The following MLF1 variants were observed in gnomAD, a reference collection of about 807,000 sequenced individuals.
The protein encoded by MLF1 is myelodysplasia-myeloid leukemia factor 1.
MLF1 carries 37 observed loss-of-function variants against 38.3 expected under a neutral mutation model. The ratio of observed to expected loss-of-function variants is 0.96; its 90% CI spans 0.74 to 1.27. The LOEUF (loss-of-function observed/expected upper bound fraction) is 1.27, where lower values mean the gene tolerates loss of function less well. Among genes scored for constraint, MLF1 ranks in the 50% most tolerant of loss-of-function variants. The pLI, the probability that MLF1 is intolerant of heterozygous loss-of-function variation, is 0.00. For missense variants in MLF1, 331 were observed against 349.2 expected (o/e 0.95, Z 0.42); for synonymous variants, 95 against 106.5 (o/e 0.89, Z 0.66).
At chr3:158,576,096 T>TA (rs1378472383) in intron 1 of MLF1, among the ~76,000 whole-genome samples, 2 of 152,212 alleles carry the variant, frequency 1.3e-5, no homozygotes, top group African/African-American at 4.8e-5. Context: ...TTTACCTTAT[T>TA]ATAACAGTGC....
chr3:158,592,374 G>T, intron 1 of MLF1, 60 bp from the exon 2 acceptor site: 1 of 1,427,970 alleles, frequency 7.0e-7, no homozygotes, highest in Non-Finnish European at 9.4e-7. Context: ...ATATTTACCT[G>T]CCTACTTACT....
At chr3:158,583,591 C>G (rs1211605850) in intron 1 of MLF1, among the ~76,000 whole-genome samples, 3 of 152,110 alleles carry the variant, frequency 2.0e-5, no homozygotes, top group Admixed American at 2.0e-4. Context: ...AGTGCAAGGT[C>G]TGAGAGACAG....
chr3:158,597,828 T>A (rs1371990222), intron 4 of MLF1, among the ~76,000 whole-genome samples: 1 of 152,112 alleles, frequency 6.6e-6, no homozygotes, highest in Non-Finnish European at 1.5e-5. Context: ...CTTATTAGTC[T>A]TTGTAACGAG....
At chr3:158,579,376 T>C (rs1448539094) in intron 1 of MLF1, among the ~76,000 whole-genome samples, 3 of 152,156 alleles carry the variant, frequency 2.0e-5, no homozygotes, top group Non-Finnish European at 2.9e-5. Context: ...TGGGTAGACA[T>C]GAATTAAACT....
At chr3:158,581,890 A>G (rs1716423184) in intron 1 of MLF1, among the ~76,000 whole-genome samples, 1 of 152,176 alleles carries the variant, frequency 6.6e-6, no homozygotes, top group African/African-American at 2.4e-5. Context: ...AAACATTGTA[A>G]CAGAAGGCCA....
intron 1 of MLF1, among the ~76,000 whole-genome samples, chr3:158,580,619 C>A (rs1168979706): frequency 1.3e-5 from 2 of 151,832 alleles, no homozygotes; most frequent in African/African-American, 4.8e-5. Flanking sequence ...CTTAAATTTC[C>A]TTTGCCCCTC....
chr3:158,595,801 T>C (rs1718796097), intron 3 of MLF1, among the ~76,000 whole-genome samples: 1 of 152,132 alleles, frequency 6.6e-6, no homozygotes, highest in Non-Finnish European at 1.5e-5. Context: ...AAATAGAACT[T>C]AGGAGGATTC....
intron 3 of MLF1, 128 bp from the exon 4 acceptor site, chr3:158,596,730 TTGTC>T (rs1718932263): frequency 3.7e-6 from 2 of 545,538 alleles, no homozygotes; most frequent in Admixed American, 3.3e-5. Context: ...TAAGTTATCT[TTGTC>T]TGGTTGATTA....
intron 1 of MLF1, chr3:158,590,836 CTG>C (rs761869127): frequency 4.5e-6 from 2 of 449,092 alleles, no homozygotes; most frequent in African/African-American, 2.0e-5. Context: ...ATTCATCAAA[CTG>C]TACAACAAAA....
At chr3:158,584,434 C>T (rs2108585425) in intron 1 of MLF1, among the ~76,000 whole-genome samples, 1 of 152,022 alleles carries the variant, frequency 6.6e-6, no homozygotes, top group South Asian at 2.1e-4. Context: ...AAATCCAGAC[C>T]CTATACAACA....
intron 1 of MLF1, among the ~76,000 whole-genome samples, chr3:158,584,683 G>C: frequency 6.6e-6 from 1 of 151,716 alleles, no homozygotes; most frequent in Non-Finnish European, 1.5e-5. Flanking sequence ...GTGTGTGTGT[G>C]TGTGTGTGTG....
At chr3:158,586,300 G>A (rs1717256820) in intron 1 of MLF1, among the ~76,000 whole-genome samples, 1 of 151,886 alleles carries the variant, frequency 6.6e-6, no homozygotes, top group African/African-American at 2.4e-5. Context: ...AAAGCATCCA[G>A]AGAGTAGATT....
At chr3:158,577,609 A>T (rs899556169) in intron 1 of MLF1, among the ~76,000 whole-genome samples, 2 of 152,234 alleles carry the variant, frequency 1.3e-5, no homozygotes, top group Non-Finnish European at 2.9e-5. Flanking sequence ...TTTGCAAATT[A>T]TAAGATCATA....
chr3:158,600,781 G>T (rs1221551752), intron 6 of MLF1, among the ~76,000 whole-genome samples: 3 of 151,284 alleles, frequency 2.0e-5, no homozygotes, highest in African/African-American at 7.3e-5. Context: ...TTAGGCTTTT[G>T]TATAGACAAG....
In MLF1 at chr3:158,598,196, A is replaced by G; in HGVS notation, c.441A>G (p.Arg147=). 2 of 1,613,322 alleles carry G rather than the reference A, an allele frequency of 1.2e-6. No homozygotes were observed. The highest frequency in any genetic ancestry group is 2.2e-5 in the South Asian group (2 of 90,862). Residue 147 remains arginine, a synonymous_variant, in exon 5 of 8, where the codon CGA becomes CGG. Transcript: ENST00000466246. ...TTCAGGCCTCAACTCAAACTCGTCG[A>G]GCTCCAGGAGGAGTAAGTTTTCTAT... ...KVFQASTQTR[R]APGGIKETRK...
intron 1 of MLF1, among the ~76,000 whole-genome samples, chr3:158,586,150 G>T (rs1459040608): frequency 2.1e-5 from 3 of 146,186 alleles, no homozygotes; most frequent in Non-Finnish European, 4.5e-5. Flanking sequence ...GGCAGCAAGA[G>T]TGAAACTCTG....
At chr3:158,590,827 TTCA>T (rs1718009822) in intron 1 of MLF1, 1 of 450,450 alleles carries the variant, frequency 2.2e-6, no homozygotes, top group African/African-American at 2.0e-5. Context: ...CTTTTTAAAA[TTCA>T]TCAAACTGTA....
At chr3:158,584,997 C>G (rs1284409475) in intron 1 of MLF1, among the ~76,000 whole-genome samples, 2 of 144,274 alleles carry the variant, frequency 1.4e-5, no homozygotes, top group African/African-American at 2.6e-5. Context: ...AAGATCATGC[C>G]ACTGCTCTCC....
intron 2 of MLF1, 56 bp downstream of exon 2, chr3:158,592,637 A>T (rs932967017): frequency 1.5e-6 from 2 of 1,373,676 alleles, no homozygotes; most frequent in African/African-American, 2.9e-5. Flanking sequence ...ATTTGAAGAA[A>T]AGTATTACAG....
Sources: gnomAD v4.1 joint callset for allele counts (sites outside exome capture counted in the v4.1 genomes callset) on GRCh38, gnomAD v4.1.1 for gene constraint, MANE v1.5 for transcripts, NCBI Gene and HGNC (gene_info 2026-07-23, HGNC 2026-07-21) for gene names.